Variants in ADK observed in about 807,000 individuals in gnomAD.
The protein encoded by ADK is adenosine kinase, also known as N6,N6-dimethyladenosine kinase.
A neutral mutation model predicts 44.7 loss-of-function variants in ADK; 24 were observed. The ratio of observed to expected loss-of-function variants is 0.54; its 90% confidence interval spans 0.39 to 0.76. The LOEUF (loss-of-function observed/expected upper bound fraction) is 0.76, where lower values mean the gene tolerates loss of function less well. Among genes scored for constraint, ADK ranks in the 30% least tolerant of loss-of-function variants. The pLI, the probability that ADK is intolerant of heterozygous loss-of-function variation, is 0.00. For synonymous variants in ADK, 128 were observed against 142.6 expected, an observed-to-expected ratio of 0.90 and a Z score of 0.73; for missense variants, 321 against 425.1, an observed-to-expected ratio of 0.76 and a Z score of 2.15.
intron 1 of ADK, among the ~76,000 whole-genome samples, chr10:74,161,223 A>G (rs1038688174): frequency 2.1e-4 from 32 of 152,034 alleles, no homozygotes; most frequent in African/African-American, 7.7e-4. Flanking sequence ...TTTTTTTGAG[A>G]TGAAGTCTCG....
chr10:74,703,320 A>G (rs1856498634), intron 10 of ADK, among the ~76,000 whole-genome samples: 1 of 151,900 alleles, frequency 6.6e-6, no homozygotes, highest in Admixed American at 6.6e-5. Context: ...CATCTACTAA[A>G]AGTACAAAAA....
intron 3 of ADK, among the ~76,000 whole-genome samples, chr10:74,232,624 TA>T (rs1160367770): frequency 6.5e-5 from 9 of 138,490 alleles, no homozygotes; most frequent in Admixed American, 1.6e-4. Flanking sequence ...TATAAGGATT[TA>T]AAAAAAAAAT....
At chr10:74,472,924 GAT>G (rs1359860058) in intron 6 of ADK, among the ~76,000 whole-genome samples, 1 of 152,026 alleles carries the variant, frequency 6.6e-6, no homozygotes, top group Non-Finnish European at 1.5e-5. Context: ...GGTATTTATT[GAT>G]ATCTCATTGT....
chr10:74,615,385 T>G (rs532823112), intron 9 of ADK, among the ~76,000 whole-genome samples: 1 of 152,326 alleles, frequency 6.6e-6, no homozygotes, highest in East Asian at 1.9e-4. Context: ...TAAAATTCAC[T>G]TTTTGTAGTG....
At chr10:74,456,410 C>T (rs1445545799) in intron 6 of ADK, among the ~76,000 whole-genome samples, 1 of 152,038 alleles carries the variant, frequency 6.6e-6, no homozygotes, top group East Asian at 1.9e-4. Flanking sequence ...CGCGGTGGTT[C>T]ACGCCTGTAA....
chr10:74,585,106 G>C (rs1263354824), intron 7 of ADK, among the ~76,000 whole-genome samples: 1 of 152,042 alleles, frequency 6.6e-6, no homozygotes, highest in Non-Finnish European at 1.5e-5. Context: ...CCTTTAAATA[G>C]CTCTTAATGT....
intron 6 of ADK, among the ~76,000 whole-genome samples, chr10:74,430,460 A>G (rs1186380102): frequency 6.6e-6 from 1 of 152,156 alleles, no homozygotes; most frequent in Non-Finnish European, 1.5e-5. Context: ...TTTTTGTATG[A>G]ACACCAATTT....
chr10:74,350,821 A>G, intron 4 of ADK, among the ~76,000 whole-genome samples: 1 of 152,168 alleles, frequency 6.6e-6, no homozygotes, highest in Non-Finnish European at 1.5e-5. Flanking sequence ...TCTAGAAGAA[A>G]TGGATACATT....
chr10:74,434,964 A>G (rs1283114641), intron 6 of ADK, among the ~76,000 whole-genome samples: 1 of 152,218 alleles, frequency 6.6e-6, no homozygotes, highest in Non-Finnish European at 1.5e-5. Flanking sequence ...AGTTATGCAC[A>G]GTAGCACTAT....
chr10:74,354,641 T>C (rs1361799374), intron 4 of ADK, among the ~76,000 whole-genome samples: 1 of 152,122 alleles, frequency 6.6e-6, no homozygotes, highest in Non-Finnish European at 1.5e-5. Flanking sequence ...GACCACCAGG[T>C]TTGGTGGGAA....
chr10:74,593,185 A>G (rs999165468), intron 8 of ADK, among the ~76,000 whole-genome samples: 1 of 152,224 alleles, frequency 6.6e-6, no homozygotes, highest in Non-Finnish European at 1.5e-5. Context: ...CCTGCTGGCT[A>G]AGAGAGTGCA....
intron 3 of ADK, among the ~76,000 whole-genome samples, chr10:74,296,675 CA>C (rs1253376027): frequency 7.3e-5 from 11 of 150,876 alleles, no homozygotes; most frequent in African/African-American, 2.7e-4. Context: ...GCAGTGGCGC[CA>C]TCTTGGCTCA....
intron 4 of ADK, among the ~76,000 whole-genome samples, chr10:74,346,570 AAG>A (rs2131890265): frequency 6.6e-6 from 1 of 152,340 alleles, no homozygotes; most frequent in African/African-American, 2.4e-5. Context: ...CATAATGTAA[AAG>A]AGCAATCTTG....
intron 3 of ADK, among the ~76,000 whole-genome samples, chr10:74,300,059 T>C (rs1213600305): frequency 6.6e-6 from 1 of 152,016 alleles, no homozygotes; most frequent in Non-Finnish European, 1.5e-5. Flanking sequence ...CTTCTTTTTT[T>C]TTTTTTTAGA....
At chr10:74,251,585 T>C (rs1203350129) in intron 3 of ADK, among the ~76,000 whole-genome samples, 1 of 152,206 alleles carries the variant, frequency 6.6e-6, no homozygotes, top group Non-Finnish European at 1.5e-5. Flanking sequence ...TTAAATATTA[T>C]TACTATCTGG....
chr10:74,233,655 T>G (rs1844860836), intron 3 of ADK, among the ~76,000 whole-genome samples: 1 of 152,232 alleles, frequency 6.6e-6, no homozygotes, highest in Admixed American at 6.5e-5. Flanking sequence ...TTTAATCACT[T>G]AGTCTTCCAA....
chr10:74,687,189 G>A (rs1855826303), intron 10 of ADK, among the ~76,000 whole-genome samples: 1 of 152,214 alleles, frequency 6.6e-6, no homozygotes, highest in Non-Finnish European at 1.5e-5. Flanking sequence ...TTCACTGAAA[G>A]TATAGCCAGA....
rs140232314 is a variant in ADK, at chr10:74,339,103, G to A, written c.273+24358G>A. On this transcript the variant is annotated intron_variant, in intron 4 of 10. Coordinates refer to ENST00000539909, the MANE Select transcript of ADK (RefSeq NM_006721.4). ...CAGGTAGCTAGGACTATAGGTGCAT[G>A]CCACCATGGCTCGCTAATTTTTTTA... Among the ~76,000 whole-genome samples, 364 of 152,230 alleles carry A rather than the reference G, an allele frequency of 2.4e-3. 2 individuals carry two copies. The highest frequency in any genetic ancestry group is 8.3e-3 in the African/African-American group (346 of 41,532).
intron 4 of ADK, among the ~76,000 whole-genome samples, chr10:74,324,542 ATTCTCC>A (rs1840942737): frequency 6.6e-6 from 1 of 152,172 alleles, no homozygotes. Flanking sequence ...TTAACAAGTT[ATTCTCC>A]AGGTTCCTCC....
Sources: gnomAD v4.1 joint callset for allele counts (sites outside exome capture counted in the v4.1 genomes callset) on GRCh38, gnomAD v4.1.1 for gene constraint, MANE v1.5 for transcripts, NCBI Gene and HGNC (gene_info 2026-07-23, HGNC 2026-07-21) for gene names.